The following EEIG1 variants were observed in gnomAD, a reference collection of about 807,000 sequenced individuals.
EEIG1 encodes estrogen-induced osteoclastogenesis regulator 1.
chr9:127,952,180 A>G, the EEIG1 span, among the ~76,000 whole-genome samples: 1 of 152,208 alleles, frequency 6.6e-6, no homozygotes, highest in Non-Finnish European at 1.5e-5. Flanking sequence ...AGCACCCTCC[A>G]CAGCCTGGTT....
chr9:127,972,824 G>T, the EEIG1 span, among the ~76,000 whole-genome samples: 16 of 152,250 alleles, frequency 1.1e-4, no homozygotes, highest in South Asian at 1.5e-3. This position sits in a 1 kb window ranked among gnomAD's most constrained non-coding sequence, Gnocchi z 4.3. Context: ...GCCAAAAGAG[G>T]CTCAGGGCAA....
chr9:127,970,972 A>T, the EEIG1 span, among the ~76,000 whole-genome samples: 1 of 152,036 alleles, frequency 6.6e-6, no homozygotes, highest in South Asian at 2.1e-4. Flanking sequence ...CCACATCTCC[A>T]GGGCCCAGCC....
At chr9:127,978,087 A>G in the EEIG1 span, among the ~76,000 whole-genome samples, 1 of 151,886 alleles carries the variant, frequency 6.6e-6, no homozygotes, top group South Asian at 2.1e-4. Flanking sequence ...GAGGCCAGCC[A>G]CCCCCACCAC....
chr9:127,956,881 A>AT, the EEIG1 span, among the ~76,000 whole-genome samples: 1 of 151,978 alleles, frequency 6.6e-6, no homozygotes, highest in Non-Finnish European at 1.5e-5. Context: ...CACCTGGCTA[A>AT]TTTTTGTGTT....
the EEIG1 span, among the ~76,000 whole-genome samples, chr9:127,962,014 T>C: frequency 6.6e-6 from 1 of 152,044 alleles, no homozygotes; most frequent in South Asian, 2.1e-4. Context: ...GCAGCAGAAG[T>C]TGGGCAAAAG....
chr9:127,969,167 C>CA, the EEIG1 span, among the ~76,000 whole-genome samples: 1 of 152,224 alleles, frequency 6.6e-6, no homozygotes, highest in African/African-American at 2.4e-5. Flanking sequence ...AGACAGGGTT[C>CA]AGGGCAGAGC....
chr9:127,980,374 C>A, the EEIG1 span: 2 of 455,728 alleles, frequency 4.4e-6, no homozygotes, highest in Non-Finnish European at 7.9e-6. Context: ...TCGGAGCGGC[C>A]GGGGACCTCA....
chr9:127,948,531 T>G, the EEIG1 span: 1 of 998,132 alleles, frequency 1.0e-6, no homozygotes, highest in Non-Finnish European at 1.6e-6. Flanking sequence ...ATCCTGTCTC[T>G]CTGCCCCCTC....
chr9:127,980,080 C>T, the EEIG1 span: 10 of 1,613,932 alleles, frequency 6.2e-6, no homozygotes, highest in Non-Finnish European at 8.5e-6. Flanking sequence ...GCAGTCAGCT[C>T]CTCCAGGGTG....
the EEIG1 span, among the ~76,000 whole-genome samples, chr9:127,969,489 A>G: frequency 6.6e-6 from 1 of 152,278 alleles, no homozygotes; most frequent in South Asian, 2.1e-4. Context: ...CATGCCAGAG[A>G]CTACGATGGG....
At chr9:127,975,457 A>G in the EEIG1 span, among the ~76,000 whole-genome samples, 1 of 152,134 alleles carries the variant, frequency 6.6e-6, no homozygotes, top group African/African-American at 2.4e-5. Context: ...ACAGAGCACA[A>G]GAGGACCCCA....
chr9:127,941,329 A>C, the EEIG1 span: 1 of 152,460 alleles, frequency 6.6e-6, no homozygotes, highest in Admixed American at 6.5e-5. Context: ...ATCTACCCTG[A>C]ATGCACCTCC....
At chr9:127,961,292 T>A in the EEIG1 span, among the ~76,000 whole-genome samples, 136,800 of 152,118 alleles carry the variant, frequency 0.9, 62,119 homozygotes, top group Non-Finnish European at 0.97. Flanking sequence ...GTGGCATGCA[T>A]GGGGCATGAT....
At chr9:127,946,552 A>C in the EEIG1 span, among the ~76,000 whole-genome samples, 293 of 152,280 alleles carry the variant, frequency 1.9e-3, no homozygotes, top group Non-Finnish European at 3.7e-3. Context: ...TCCAGAGGCA[A>C]GTGGGCACTC....
chr9:127,947,233 T>A, the EEIG1 span, among the ~76,000 whole-genome samples: 1 of 134,004 alleles, frequency 7.5e-6, no homozygotes, highest in African/African-American at 2.9e-5. Context: ...TCCTGGCTGA[T>A]ATGGTGAAAT....
At chr9:127,963,332 G>T in the EEIG1 span, among the ~76,000 whole-genome samples, 5 of 152,240 alleles carry the variant, frequency 3.3e-5, no homozygotes, top group African/African-American at 1.2e-4. Context: ...CTGCTGGCAG[G>T]GCTGGCCGCC....
chr9:127,974,314 G>A, the EEIG1 span, among the ~76,000 whole-genome samples: 84 of 152,260 alleles, frequency 5.5e-4, no homozygotes, highest in Admixed American at 1.2e-3. Flanking sequence ...CCCCTGGGTA[G>A]GTACTCCTGA....
At chr9:127,975,094 C>A in the EEIG1 span, among the ~76,000 whole-genome samples, 4 of 152,302 alleles carry the variant, frequency 2.6e-5, no homozygotes, top group South Asian at 8.3e-4. Context: ...CCTAGAAGGG[C>A]GGGTGAGGGA....
the EEIG1 span, among the ~76,000 whole-genome samples, chr9:127,969,562 C>G: frequency 4.6e-5 from 7 of 152,276 alleles, no homozygotes; most frequent in Admixed American, 4.6e-4. Context: ...TCCCATTTCA[C>G]AGATGAGGAA....
Sources: gnomAD v4.1 joint callset for allele counts (sites outside exome capture counted in the v4.1 genomes callset) on GRCh38, gnomAD v4.1.1 for gene constraint, Gnocchi (gnomAD v3.1) non-coding constraint, MANE v1.5 for transcripts, NCBI Gene and HGNC (gene_info 2026-07-23, HGNC 2026-07-21) for gene names.